Variants in FBXO46 observed in about 807,000 individuals in gnomAD.
The protein encoded by FBXO46 is F-box only protein 46.
FBXO46 carries 13 observed loss-of-function variants against 30.7 expected under a neutral mutation model. That is an observed-to-expected ratio of 0.42 (90% CI 0.28 to 0.67). The LOEUF (loss-of-function observed/expected upper bound fraction) is 0.67, where lower values mean the gene tolerates loss of function less well. Among genes scored for constraint, FBXO46 ranks in the 30% least tolerant of loss-of-function variants. The pLI, the probability that FBXO46 is intolerant of heterozygous loss-of-function variation, is 0.21. For missense variants in FBXO46, 754 were observed against 871.5 expected, an observed-to-expected ratio of 0.87 and a Z score of 1.70; for synonymous variants, 467 against 385.8, an observed-to-expected ratio of 1.21 and a Z score of -2.47.
At position 45,711,634 on chromosome 19, in the gene FBXO46, G is replaced by T; in HGVS notation, c.*50C>A. 7.1e-7 allele frequency: 1 copy of T among 1,402,692 alleles called. No individual in the cohort carries two copies. Among genetic ancestry groups the T allele is most frequent in the East Asian group, 2.5e-5 (1 of 40,250 alleles). The allele number at this position is 1,402,692 out of a possible 1,614,324, so 86.9% of individuals were successfully genotyped here. ...CAGTCCGGACCCTCGGCTCCCGGGG[G>T]GAGAGGGGAGGGGTGGGCGTGGTGG... On this transcript the variant is annotated 3_prime_UTR_variant, in exon 2 of 2. Coordinates refer to ENST00000317683, the MANE Select transcript of FBXO46 (RefSeq NM_001080469.2).
intron 1 of FBXO46, among the ~76,000 whole-genome samples, chr19:45,718,226 T>C (rs73557325): frequency 0.012 from 1,755 of 152,188 alleles, 39 homozygotes; most frequent in African/African-American, 0.041. Context: ...TGATCCCCGG[T>C]AGGAGTGATC....
intron 1 of FBXO46, among the ~76,000 whole-genome samples, chr19:45,721,384 TA>T (rs1433611073): frequency 6.6e-6 from 1 of 151,780 alleles, no homozygotes; most frequent in Non-Finnish European, 1.5e-5. Flanking sequence ...AAAATAATGA[TA>T]AATGGTAAAG....
chr19:45,715,278 C>G (rs541046128), intron 1 of FBXO46: 1 of 152,178 alleles, frequency 6.6e-6, no homozygotes, highest in Non-Finnish European at 1.5e-5. Flanking sequence ...TTCCACATGC[C>G]TACAGGCCAG....
intron 1 of FBXO46, among the ~76,000 whole-genome samples, chr19:45,719,016 G>A (rs114823842): frequency 6.6e-6 from 1 of 151,384 alleles, no homozygotes; most frequent in African/African-American, 2.4e-5. Context: ...GGAGGCAGAG[G>A]GGGGACACAA....
In FBXO46 at chr19:45,712,754, T is replaced by C. The variant is rs1184274311; in HGVS notation, c.742A>G (p.Lys248Glu). 2 of 1,611,194 alleles carry C rather than the reference T, an allele frequency of 1.2e-6. No individual in the cohort carries two copies. Among genetic ancestry groups the C allele is most frequent in the Admixed American group, 3.3e-5 (2 of 59,746 alleles). Residue 248 changes from lysine to glutamate, a missense_variant, in exon 2 of 2, where the codon AAG (lysine) becomes GAG (glutamate). Physicochemically the swap from Lys to Glu is moderately conservative, Grantham distance 56. Transcript: ENST00000317683. This position sits in a 1 kb window ranked among gnomAD's most constrained non-coding sequence, Gnocchi z 8.8. The part of the protein sequence containing the change: ...RDSPPTKGLR[K>E]EERPGPGPGE... ...GGGCCTGGCCCGGGCCGCTCTTCCTTGCGGAGGCCCTTGGTGGGAGGGCTG... is the reference window on the plus strand; with the variant it reads ...GGGCCTGGCCCGGGCCGCTCTTCCTCGCGGAGGCCCTTGGTGGGAGGGCTG...
chr19:45,711,063 GGA>G lies in FBXO46; in HGVS notation c.*619_*620del, dbSNP rs1291203650. 8 of 305,244 alleles carry G rather than the reference GGA, an allele frequency of 2.6e-5. No individual in the cohort carries two copies. Among genetic ancestry groups the G allele is most frequent in the Non-Finnish European group, 5.1e-5 (8 of 157,020 alleles). 18.9% of individuals were successfully genotyped at this position (305,244 alleles called of 1,614,324 possible). A position where few individuals can be genotyped will look rare whatever the true frequency, so the allele number is the denominator to read the frequency against. On this transcript the variant is annotated 3_prime_UTR_variant, in exon 2 of 2. Transcript: ENST00000317683. ...CCCCCCTCTTCCTCTACGCGGAAGA[GGA>G]GAGACTGGTAGCTTGAGGTTAAGGA...
At chr19:45,721,070 T>C (rs1600363207) in intron 1 of FBXO46, among the ~76,000 whole-genome samples, 1 of 140,358 alleles carries the variant, frequency 7.1e-6, no homozygotes, top group Non-Finnish European at 1.5e-5. Context: ...TAAGGAAAAA[T>C]AGGCCACGTG....
At chr19:45,718,790 GC>G (rs1157512223) in intron 1 of FBXO46, among the ~76,000 whole-genome samples, 2 of 151,598 alleles carry the variant, frequency 1.3e-5, no homozygotes, top group Non-Finnish European at 2.9e-5. Context: ...CCAGCATAAG[GC>G]CCTACACTAG....
chr19:45,724,740 G>A (rs765979769), intron 1 of FBXO46, among the ~76,000 whole-genome samples: 4 of 152,050 alleles, frequency 2.6e-5, no homozygotes, highest in South Asian at 2.1e-4. Flanking sequence ...TGCAACCTCC[G>A]CCTCCTGGGG....
chr19:45,731,884 G>A (rs896145921), upstream of FBXO46, among the ~76,000 whole-genome samples: 6 of 151,662 alleles, frequency 4.0e-5, no homozygotes, highest in East Asian at 6.0e-4. Context: ...TTGGGAGGCC[G>A]AGGCGGGCTG....
chr19:45,715,004 T>C (rs906418355), intron 1 of FBXO46: 1 of 152,128 alleles, frequency 6.6e-6, no homozygotes, highest in Admixed American at 6.6e-5. Flanking sequence ...AAGGGTGACA[T>C]AGCTAAGATT....
At position 45,712,740 on chromosome 19, in the gene FBXO46, G is replaced by C. The variant is rs374743930; in HGVS notation, c.756C>G (p.Pro252=). ...TGCGCACCTCCCCAGGGCCTGGCCC[G>C]GGCCGCTCTTCCTTGCGGAGGCCCT... ...PTKGLRKEER[P]GPGPGEVRIA... The change falls in exon 2 of 2, where the codon CCC becomes CCG. Residue 252 remains proline, a synonymous_variant. Transcript: ENST00000317683. The surrounding 1 kb of genome is among the most constrained non-coding windows in gnomAD (Gnocchi z 8.8). 1.2e-5 allele frequency: 19 copies of C among 1,611,504 alleles called. No individual in the cohort carries two copies. Among genetic ancestry groups the C allele is most frequent in the Non-Finnish European group, 1.5e-5 (18 of 1,178,918 alleles).
intron 1 of FBXO46, among the ~76,000 whole-genome samples, chr19:45,720,235 G>A (rs767101531): frequency 1.2e-4 from 18 of 152,080 alleles, no homozygotes; most frequent in East Asian, 5.8e-4. Flanking sequence ...CGGTTCAAGC[G>A]ATTTGCTTGC....
At position 45,711,608 on chromosome 19, in the gene FBXO46, C is replaced by T; in HGVS notation, c.*76G>A. 1 of 1,186,592 alleles carries T rather than the reference C, an allele frequency of 8.4e-7. No individual in the cohort carries two copies. Among genetic ancestry groups the T allele is most frequent in the East Asian group, 2.5e-5 (1 of 39,298 alleles). The allele number at this position is 1,186,592 out of a possible 1,614,324, so 73.5% of individuals were successfully genotyped here. A position where few individuals can be genotyped will look rare whatever the true frequency, so the allele number is the denominator to read the frequency against. On this transcript the variant is annotated 3_prime_UTR_variant, in exon 2 of 2. Transcript: ENST00000317683. ...TGGAGTAGGGGAATGGGCAGGCGGCCCAGTCCGGACCCTCGGCTCCCGGGG... is the reference window on the plus strand; with the variant it reads ...TGGAGTAGGGGAATGGGCAGGCGGCTCAGTCCGGACCCTCGGCTCCCGGGG...
intron 1 of FBXO46, chr19:45,723,588 C>G (rs758998920): frequency 6.6e-6 from 1 of 152,174 alleles, no homozygotes; most frequent in Non-Finnish European, 1.5e-5. Context: ...CACGCTGTCA[C>G]CCAGGCTGGA....
rs759372079 is a variant in FBXO46, at chr19:45,713,370, G to A, written c.126C>T (p.Gly42=). 30 of 1,611,414 alleles carry A rather than the reference G, an allele frequency of 1.9e-5. No homozygotes were observed. Among genetic ancestry groups the A allele is most frequent in the South Asian group, 4.4e-5 (4 of 90,960 alleles). ...LKPSACPEPG[G]GAEPDHGPAH... ...CAGGCCCATGGTCTGGCTCGGCCCC[G>A]CCACCAGGCTCAGGGCAGGCTGATG... Residue 42 remains glycine (G), a synonymous_variant, in exon 2 of 2, where the codon GGC becomes GGT. Transcript: ENST00000317683. The surrounding 1 kb of genome is among the most constrained non-coding windows in gnomAD (Gnocchi z 4.7).
Position 45,711,283 on chromosome 19 carries a change from G to C in FBXO46, c.*401C>G, listed in dbSNP as rs113453651. 695 of 435,960 alleles carry C rather than the reference G, an allele frequency of 1.6e-3. 12 individuals carry two copies. The highest frequency in any genetic ancestry group is 0.013 in the African/African-American group (607 of 48,122). The allele number at this position is 435,960 out of a possible 1,614,324, so 27.0% of individuals were successfully genotyped here. On this transcript the variant is annotated 3_prime_UTR_variant, in exon 2 of 2. Coordinates refer to ENST00000317683, the MANE Select transcript of FBXO46 (RefSeq NM_001080469.2). ...TCTTGGGAAATAACAGCTCCAGCGAGAAAGAATTGGGGTGAGGGAGAGGAT... is the reference window on the plus strand; with the variant it reads ...TCTTGGGAAATAACAGCTCCAGCGACAAAGAATTGGGGTGAGGGAGAGGAT...
At chr19:45,730,464 T>A (rs1364834093) in intron 1 of FBXO46, among the ~76,000 whole-genome samples, 1 of 152,042 alleles carries the variant, frequency 6.6e-6, no homozygotes, top group African/African-American at 2.4e-5. Flanking sequence ...ACCGTTCGCC[T>A]GTCCCTTGGA....
Position 45,711,419 on chromosome 19 carries a change from T to G in FBXO46, c.*265A>C. 1.6e-6 allele frequency: 1 copy of G among 632,272 alleles called. No homozygotes were observed. The highest frequency in any genetic ancestry group is 2.2e-5 in the Admixed American group (1 of 46,124). The allele number at this position is 632,272 out of a possible 1,614,324, so 39.2% of individuals were successfully genotyped here. On this transcript the variant is annotated 3_prime_UTR_variant, in exon 2 of 2. Coordinates refer to ENST00000317683, the MANE Select transcript of FBXO46 (RefSeq NM_001080469.2). ...TGGCAGGGAGGGGGTTGGGGCTGAA[T>G]GGAGAAGAAAGTGAGATGCTGATAA...
Sources: allele counts gnomAD v4.1 joint callset (sites outside exome capture counted in the v4.1 genomes callset), GRCh38; gene constraint gnomAD v4.1.1; non-coding constraint Gnocchi (gnomAD v3.1); transcripts MANE v1.5; gene names NCBI Gene and HGNC (gene_info 2026-07-23, HGNC 2026-07-21).